LHFPL6: variants seen among roughly 807,000 people sequenced by gnomAD.
LHFPL6 encodes LHFPL tetraspan subfamily member 6, also known as LHFPL tetraspan subfamily member 6 protein.
A neutral mutation model predicts 20.6 loss-of-function variants in LHFPL6; 9 were observed. The ratio of observed to expected loss-of-function variants is 0.44; its 90% CI spans 0.26 to 0.76. The LOEUF is 0.76. Among genes scored for constraint, LHFPL6 ranks in the 30% least tolerant of loss-of-function variants. The pLI is 0.20. For synonymous variants in LHFPL6, 105 were observed against 98.7 expected, an observed-to-expected ratio of 1.06 and a Z score of -0.38; for missense variants, 218 against 253.5, an observed-to-expected ratio of 0.86 and a Z score of 0.95.
At chr13:39,353,118 G>C (rs1213558678) in intron 3 of LHFPL6, among the ~76,000 whole-genome samples, 8 of 150,428 alleles carry the variant, frequency 5.3e-5, no homozygotes, top group Admixed American at 4.6e-4. Flanking sequence ...AAGTAGCTGG[G>C]ATTACAGGTG....
intron 2 of LHFPL6, among the ~76,000 whole-genome samples, chr13:39,576,597 A>T (rs1254778185): frequency 6.6e-6 from 1 of 152,192 alleles, no homozygotes; most frequent in Non-Finnish European, 1.5e-5. Context: ...GTGCAGCTCC[A>T]GAGGGTCACA....
intron 2 of LHFPL6, among the ~76,000 whole-genome samples, chr13:39,525,094 A>C (rs1461317736): frequency 1.3e-5 from 2 of 152,242 alleles, no homozygotes; most frequent in Non-Finnish European, 2.9e-5. Flanking sequence ...ATAAATGCTC[A>C]GGGCGTTTGA....
chr13:39,478,961 T>C (rs1468637302), intron 2 of LHFPL6, among the ~76,000 whole-genome samples: 1 of 151,140 alleles, frequency 6.6e-6, no homozygotes, highest in African/African-American at 2.4e-5. Flanking sequence ...GATATGTCTC[T>C]ATATATAATA....
intron 2 of LHFPL6, among the ~76,000 whole-genome samples, chr13:39,451,954 G>A (rs1438464012): frequency 6.6e-6 from 1 of 152,162 alleles, no homozygotes; most frequent in Non-Finnish European, 1.5e-5. Flanking sequence ...GTGTGCGCAT[G>A]CACGTGCATA....
chr13:39,463,722 T>A (rs1243510713), intron 2 of LHFPL6, among the ~76,000 whole-genome samples: 1 of 152,138 alleles, frequency 6.6e-6, no homozygotes. Flanking sequence ...TGAAATCTCA[T>A]AGTTTTCATT....
intron 2 of LHFPL6, among the ~76,000 whole-genome samples, chr13:39,514,846 C>G (rs888766285): frequency 2.6e-5 from 4 of 152,210 alleles, no homozygotes; most frequent in Non-Finnish European, 5.9e-5. Flanking sequence ...TCCAGCCAGC[C>G]AAAACCCAGA....
chr13:39,534,254 C>A (rs1007443662), intron 2 of LHFPL6, among the ~76,000 whole-genome samples: 2 of 152,274 alleles, frequency 1.3e-5, no homozygotes, highest in East Asian at 1.9e-4. Context: ...GCAAACATTT[C>A]TTTTTATGTT....
rs77734662 is a variant in LHFPL6 at position 39,550,325 on chromosome 13, T to C, written c.385+50507A>G. Among the ~76,000 whole-genome samples the C allele has an allele frequency of 2.1e-4, 32 of 152,198 alleles. No homozygotes were observed. The East Asian group carries it at 4.1e-3, about 19-fold the overall frequency. On this transcript the variant is annotated intron_variant, in intron 2 of 3. Transcript: ENST00000379589. ...GTGATGGATCCATGTTATATCTTGGTTGTGGTGGGGGTTACACATTTGTAC... is the reference window on the plus strand; with the variant it reads ...GTGATGGATCCATGTTATATCTTGGCTGTGGTGGGGGTTACACATTTGTAC...
At chr13:39,574,344 T>C (rs1010188554) in intron 2 of LHFPL6, among the ~76,000 whole-genome samples, 1 of 152,036 alleles carries the variant, frequency 6.6e-6, no homozygotes, top group African/African-American at 2.4e-5. Flanking sequence ...TAGCCAGATG[T>C]GGTGGTGGGC....
At chr13:39,577,373 A>C (rs913743921) in intron 2 of LHFPL6, among the ~76,000 whole-genome samples, 1 of 152,194 alleles carries the variant, frequency 6.6e-6, no homozygotes, top group African/African-American at 2.4e-5. Context: ...ATTTCAGGAA[A>C]CTGCTTTTCA....
intron 2 of LHFPL6, among the ~76,000 whole-genome samples, chr13:39,449,957 C>A (rs1872398102): frequency 1.3e-5 from 2 of 152,154 alleles, no homozygotes; most frequent in Admixed American, 1.3e-4. Context: ...AAATACTCAT[C>A]TGACAATCTC....
chr13:39,475,473 C>T (rs1045861851), intron 2 of LHFPL6, among the ~76,000 whole-genome samples: 9 of 151,446 alleles, frequency 5.9e-5, no homozygotes, highest in African/African-American at 2.2e-4. Context: ...ACAAAAAACA[C>T]CTTTTTGTTG....
At chr13:39,388,098 A>G (rs1056715128) in intron 2 of LHFPL6, among the ~76,000 whole-genome samples, 3 of 152,316 alleles carry the variant, frequency 2.0e-5, no homozygotes, top group Middle Eastern at 3.4e-3. Context: ...TCAAACACTA[A>G]AATATAAAAC....
chr13:39,545,585 G>A (rs1203314187), intron 2 of LHFPL6, among the ~76,000 whole-genome samples: 1 of 152,020 alleles, frequency 6.6e-6, no homozygotes, highest in East Asian at 1.9e-4. Flanking sequence ...CCATCCATGG[G>A]GGATTGGTTA....
chr13:39,532,245 A>G (rs1593351933), intron 2 of LHFPL6, among the ~76,000 whole-genome samples: 1 of 151,572 alleles, frequency 6.6e-6, no homozygotes, highest in African/African-American at 2.4e-5. Context: ...CTGCTCAAAA[A>G]CCCTTAGTGG....
intron 2 of LHFPL6, among the ~76,000 whole-genome samples, chr13:39,474,137 T>TA (rs1873019486): frequency 1.3e-5 from 2 of 152,234 alleles, no homozygotes; most frequent in African/African-American, 4.8e-5. Flanking sequence ...AACAGATATT[T>TA]TATGGGTATG....
At chr13:39,571,288 G>A (rs1341118293) in intron 2 of LHFPL6, among the ~76,000 whole-genome samples, 6 of 152,304 alleles carry the variant, frequency 3.9e-5, no homozygotes, top group East Asian at 1.9e-4. Flanking sequence ...CTTCCTGTTC[G>A]ATGCGCTTTC....
chr13:39,386,800 C>T (rs1277786488), intron 2 of LHFPL6, among the ~76,000 whole-genome samples: 1 of 152,234 alleles, frequency 6.6e-6, no homozygotes. Context: ...AAAGACATTT[C>T]TGACTGGGGA....
At chr13:39,431,767 C>A (rs920556615) in intron 2 of LHFPL6, among the ~76,000 whole-genome samples, 7 of 149,486 alleles carry the variant, frequency 4.7e-5, no homozygotes, top group Non-Finnish European at 7.4e-5. Flanking sequence ...GTCAGCAAAC[C>A]TGTTTGTTCT....
Sources: allele counts gnomAD v4.1 joint callset (sites outside exome capture counted in the v4.1 genomes callset), GRCh38; gene constraint gnomAD v4.1.1; transcripts MANE v1.5; gene names NCBI Gene and HGNC (gene_info 2026-07-23, HGNC 2026-07-21).